Variants in ZMAT3 observed in about 807,000 individuals in gnomAD.
The protein encoded by ZMAT3 is zinc finger matrin-type protein 3.
Under a neutral mutation model 32.3 loss-of-function variants are expected in ZMAT3, and 17 were observed. The observed-to-expected ratio is 0.53, with a 90% CI of 0.36 to 0.79. The LOEUF is 0.79. ZMAT3 is among the 30% of genes least tolerant of loss of function. The pLI is 0.00. For synonymous variants in ZMAT3, 120 were observed against 133.1 expected, an observed-to-expected ratio of 0.90 and a Z score of 0.68; for missense variants, 329 against 359.7, an observed-to-expected ratio of 0.91 and a Z score of 0.69.
chr3:179,051,598 A>G (rs961800398), intron 2 of ZMAT3, among the ~76,000 whole-genome samples: 41 of 152,164 alleles, frequency 2.7e-4, no homozygotes, highest in African/African-American at 9.2e-4. Context: ...CACAAATTCA[A>G]TGCAATTCCC....
Position 179,025,033 on chromosome 3 carries a change from T to G in ZMAT3, c.854A>C (p.Asn285Thr). Residue 285 changes from asparagine (N) to threonine (T), a missense_variant, in exon 6 of 6, where the codon AAT becomes ACT. Physicochemically the swap from Asn to Thr is moderately conservative, Grantham distance 65 (BLOSUM62 0). Transcript: ENST00000311417. ...SEQRYRNEME[N>T]LGYV ...TGATAATCACTATACATATCCCAGA[T>G]TCTCCATCTCATTCCTGTACCGCTG... is the stretch of plus-strand genomic sequence containing the variant. 6.2e-7 allele frequency: 1 copy of G among 1,614,202 alleles called. No homozygotes were observed. The highest frequency in any genetic ancestry group is 8.5e-7 in the Non-Finnish European group (1 of 1,180,020).
chr3:179,056,344 T>C (rs762430416), intron 2 of ZMAT3, among the ~76,000 whole-genome samples: 7 of 151,542 alleles, frequency 4.6e-5, no homozygotes, highest in Non-Finnish European at 8.8e-5. Flanking sequence ...GGGGGTCCAC[T>C]ACTTTAGTCA....
intron 2 of ZMAT3, among the ~76,000 whole-genome samples, chr3:179,044,734 C>T (rs903248676): frequency 3.3e-5 from 5 of 152,100 alleles, no homozygotes; most frequent in African/African-American, 1.2e-4. Flanking sequence ...TTTGCAGGGA[C>T]ATGGATGGAG....
chr3:179,026,588 G>A (rs1355046586), intron 5 of ZMAT3, among the ~76,000 whole-genome samples: 1 of 151,912 alleles, frequency 6.6e-6, no homozygotes, highest in East Asian at 1.9e-4. Flanking sequence ...GTTTCACCGT[G>A]TTGGCCAGGC....
intron 4 of ZMAT3, 32 bp downstream of exon 4, chr3:179,027,614 A>C (rs1167473531): frequency 6.2e-7 from 1 of 1,613,952 alleles, no homozygotes; most frequent in Non-Finnish European, 8.5e-7. Context: ...CTCACATAAC[A>C]CTTTGGCCTC....
chr3:179,062,070 A>G (rs889696575), intron 2 of ZMAT3, among the ~76,000 whole-genome samples: 3 of 152,168 alleles, frequency 2.0e-5, no homozygotes, highest in African/African-American at 4.8e-5. Context: ...TTGGTTCCTC[A>G]GGCATTATTT....
chr3:179,052,593 C>T (rs1040058957), intron 2 of ZMAT3, among the ~76,000 whole-genome samples: 2 of 152,060 alleles, frequency 1.3e-5, no homozygotes, highest in African/African-American at 4.8e-5. Context: ...GTGGAGATTC[C>T]TTCCTTAAAG....
At chr3:179,069,898 G>C (rs929975852) in intron 1 of ZMAT3, among the ~76,000 whole-genome samples, 2 of 152,104 alleles carry the variant, frequency 1.3e-5, no homozygotes, top group East Asian at 3.8e-4. Flanking sequence ...CATTTAAAAA[G>C]TCAGGTTCTC....
intron 2 of ZMAT3, among the ~76,000 whole-genome samples, chr3:179,038,780 G>A (rs1719743159): frequency 6.6e-6 from 1 of 152,210 alleles, no homozygotes; most frequent in South Asian, 2.1e-4. Flanking sequence ...GGGAAGCCAA[G>A]AGGTCAGGGG....
At chr3:179,067,849 G>A in intron 1 of ZMAT3, 40 bp from the exon 2 acceptor site, 2 of 1,515,640 alleles carry the variant, frequency 1.3e-6, no homozygotes, top group African/African-American at 1.4e-5. Context: ...AAACTCACTT[G>A]AAAATCAGAC....
chr3:179,056,303 G>C (rs770278120), intron 2 of ZMAT3, among the ~76,000 whole-genome samples: 1 of 151,322 alleles, frequency 6.6e-6, no homozygotes, highest in Non-Finnish European at 1.5e-5. Context: ...AGGAGCAGGC[G>C]AAACGGGACA....
Position 179,049,991 on chromosome 3 carries a change from CAAAAAAAA to C in ZMAT3, c.270+17484_270+17491del, listed in dbSNP as rs34239014. Among the ~76,000 whole-genome samples the C allele has an allele frequency of 3.1e-3, 25 of 8,146 alleles. No individual in the cohort carries two copies. The East Asian group carries it at 0.093, about 30-fold the overall frequency. 5.3% of individuals were successfully genotyped at this position (8,146 alleles called of 152,430 possible). On this transcript the variant is annotated intron_variant, in intron 2 of 5. Transcript: ENST00000311417. ...TGGGTGACAGAGCAAGACTCCGTCT[CAAAAAAAA>C]AAAAAAAAAAAAAAAAAAGCCAAGC...
chr3:179,027,996 G>T (rs1278110993), intron 3 of ZMAT3, among the ~76,000 whole-genome samples, 184 bp from the exon 4 acceptor site: 4 of 152,196 alleles, frequency 2.6e-5, no homozygotes, highest in Non-Finnish European at 5.9e-5. Context: ...CTTAATCATG[G>T]TTTTGCATTA....
rs148932432 is a variant in ZMAT3, at chr3:179,024,794, C to G, written c.*223G>C. On this transcript the variant is annotated 3_prime_UTR_variant, in exon 6 of 6. Transcript: ENST00000311417. ...CTATGAGCGGCTCAACACCATTGAC[C>G]CTGCAAAAGCGTTATGACCTAAGAA... The G allele has an allele frequency of 3.2e-5, 17 of 528,810 alleles. No individual in the cohort carries two copies. The highest frequency in any genetic ancestry group is 5.1e-5 in the Non-Finnish European group (15 of 292,196). The allele number at this position is 528,810 out of a possible 1,614,324, so 32.8% of individuals were successfully genotyped here.
Position 179,067,556 on chromosome 3 carries a change from A to AG in ZMAT3, c.196dup (p.Leu66ProfsTer3). ...GAGTTTGCAGTACAGGGGCTTACAT[A>AG]GCTCCTCCAGGGCACAGTCTTGCTC... On this transcript the variant is annotated frameshift_variant, in exon 2 of 6. Coordinates refer to ENST00000311417, the MANE Select transcript of ZMAT3 (RefSeq NM_022470.4). LOFTEE classifies it high-confidence loss of function. The AG allele has an allele frequency of 1.2e-6, 2 of 1,614,164 alleles. No individual in the cohort carries two copies. Among genetic ancestry groups the AG allele is most frequent in the Non-Finnish European group, 1.7e-6 (2 of 1,180,042 alleles).
rs1718326586 is a variant in ZMAT3, at chr3:179,017,343, T to G, written c.*7674A>C. The stretch of plus-strand genomic sequence containing the variant: ...GAGGATACACAGCCAAAATGAGCCA[T>G]CAACAAAAGCAGTATAAATTTTAAA... On this transcript the variant is annotated 3_prime_UTR_variant, in exon 6 of 6. Coordinates refer to ENST00000311417, the MANE Select transcript of ZMAT3 (RefSeq NM_022470.4). 6.6e-6 allele frequency: 1 copy of G among 152,140 alleles called. No individual in the cohort carries two copies. The highest frequency in any genetic ancestry group is 1.5e-5 in the Non-Finnish European group (1 of 68,026). 9.4% of individuals were successfully genotyped at this position (152,140 alleles called of 1,614,324 possible).
At chr3:179,033,172 A>G (rs1391798547) in intron 2 of ZMAT3, among the ~76,000 whole-genome samples, 1 of 152,226 alleles carries the variant, frequency 6.6e-6, no homozygotes. Flanking sequence ...GCTGCTGTTA[A>G]TCTATAACCT....
chr3:179,034,180 G>T (rs1576845037), intron 2 of ZMAT3, among the ~76,000 whole-genome samples: 1 of 152,150 alleles, frequency 6.6e-6, no homozygotes, highest in African/African-American at 2.4e-5. Flanking sequence ...TATATGCTAA[G>T]CCCTAGAAAT....
chr3:179,033,358 A>AAGGCGGC (rs1719400047), intron 2 of ZMAT3, among the ~76,000 whole-genome samples: 1 of 152,162 alleles, frequency 6.6e-6, no homozygotes, highest in South Asian at 2.1e-4. Context: ...CGGAAGGCGG[A>AAGGCGGC]AGGCGGCAGG....
Sources: allele counts gnomAD v4.1 joint callset (sites outside exome capture counted in the v4.1 genomes callset), GRCh38; gene constraint gnomAD v4.1.1; transcripts MANE v1.5; gene names NCBI Gene and HGNC (gene_info 2026-07-23, HGNC 2026-07-21).